Variants in COP1 observed in about 807,000 individuals in gnomAD.
The protein encoded by COP1 is COP1 E3 ubiquitin ligase.
Under a neutral mutation model 101.3 loss-of-function variants are expected in COP1, and 24 were observed. The ratio of observed to expected loss-of-function variants is 0.24; its 90% CI spans 0.17 to 0.33. The LOEUF (loss-of-function observed/expected upper bound fraction) is 0.33, where lower values mean the gene tolerates loss of function less well. Among genes scored for constraint, COP1 ranks in the 10% least tolerant of loss-of-function variants. The probability of loss-of-function intolerance (pLI) is 1.00; values close to 1 mark genes in which losing one functional copy is unlikely to be tolerated. For missense variants in COP1, 663 were observed against 906.2 expected (o/e 0.73, Z 3.45); for synonymous variants, 347 against 341.9 (o/e 1.01, Z -0.17).
intron 11 of COP1, among the ~76,000 whole-genome samples, chr1:176,052,407 G>A (rs755389066): frequency 2.0e-5 from 3 of 152,084 alleles, no homozygotes; most frequent in Non-Finnish European, 4.4e-5. Flanking sequence ...TATTGGGCCT[G>A]GGCTACTGAA....
intron 1 of COP1, among the ~76,000 whole-genome samples, chr1:176,194,723 A>T (rs1428261768): frequency 6.6e-6 from 1 of 152,076 alleles, no homozygotes; most frequent in African/African-American, 2.4e-5. Flanking sequence ...CCCACTTTAA[A>T]TATTAAAACA....
chr1:175,991,144 T>C (rs1658337773), intron 15 of COP1, among the ~76,000 whole-genome samples: 1 of 152,094 alleles, frequency 6.6e-6, no homozygotes, highest in Non-Finnish European at 1.5e-5. Context: ...ACAATGGAGA[T>C]ACATTCTGAG....
intron 15 of COP1, among the ~76,000 whole-genome samples, chr1:176,022,490 AG>A (rs1666921952): frequency 6.6e-6 from 1 of 152,246 alleles, no homozygotes; most frequent in Admixed American, 6.5e-5. Flanking sequence ...TATCGCTCTC[AG>A]TGGTAAACTA....
intron 11 of COP1, among the ~76,000 whole-genome samples, chr1:176,074,396 ATCATCCT>A (rs1677586177): frequency 6.6e-6 from 1 of 152,134 alleles, no homozygotes; most frequent in Admixed American, 6.5e-5. Flanking sequence ...CTTTGGCCAT[ATCATCCT>A]TTCTTGCTAG....
chr1:176,095,186 T>C (rs1185264156), intron 9 of COP1, among the ~76,000 whole-genome samples: 2 of 152,186 alleles, frequency 1.3e-5, no homozygotes, highest in Non-Finnish European at 2.9e-5. Flanking sequence ...ACATACAAAA[T>C]AATAAAACAA....
chr1:176,115,455 A>G (rs1329549593), intron 9 of COP1, among the ~76,000 whole-genome samples: 1 of 150,796 alleles, frequency 6.6e-6, no homozygotes, highest in Non-Finnish European at 1.5e-5. Flanking sequence ...CTCAAAAAGA[A>G]AAATAAAAAA....
intron 3 of COP1, 119 bp downstream of exon 3, chr1:176,175,791 G>C: frequency 1.9e-6 from 1 of 539,076 alleles, no homozygotes; most frequent in Non-Finnish European, 3.3e-6. Flanking sequence ...AAAGCACTGT[G>C]GTATACAGTA....
chr1:175,966,882 T>C (rs1329604684), intron 18 of COP1, among the ~76,000 whole-genome samples: 1 of 152,152 alleles, frequency 6.6e-6, no homozygotes, highest in Non-Finnish European at 1.5e-5. Flanking sequence ...TCAACATACA[T>C]GGCATTGACA....
chr1:176,032,940 T>C lies in COP1; in HGVS notation c.1613-5252A>G, dbSNP rs950794590. ...AAGCTTTAACTTATAGGAAAGGTAA[T>C]TGCCTCTAAAGTTATAAATTATAAT... On this transcript the variant is annotated intron_variant, in intron 14 of 19. Coordinates refer to ENST00000367669, the MANE Select transcript of COP1 (RefSeq NM_022457.7). Among the ~76,000 whole-genome samples the C allele has an allele frequency of 3.9e-5, 6 of 152,178 alleles. No homozygotes were observed. The East Asian group carries it at 9.6e-4, about 24-fold the overall frequency.
intron 15 of COP1, among the ~76,000 whole-genome samples, chr1:176,012,128 G>A (rs900372297): frequency 2.0e-5 from 3 of 152,220 alleles, no homozygotes; most frequent in African/African-American, 4.8e-5. Context: ...AAGCTGCAGT[G>A]TGTTAACACT....
At chr1:176,082,698 C>G (rs566317486) in intron 10 of COP1, among the ~76,000 whole-genome samples, 1 of 151,386 alleles carries the variant, frequency 6.6e-6, no homozygotes, top group African/African-American at 2.4e-5. Flanking sequence ...CCTAGCTACT[C>G]GGGAGGCTAG....
At chr1:176,019,991 A>G (rs1402636958) in intron 15 of COP1, among the ~76,000 whole-genome samples, 1 of 152,178 alleles carries the variant, frequency 6.6e-6, no homozygotes, top group Non-Finnish European at 1.5e-5. Context: ...CTTCCGTGAT[A>G]TTTCTCAAAC....
chr1:176,130,939 T>C lies in COP1; in HGVS notation c.968+4071A>G, dbSNP rs143633426. Among the ~76,000 whole-genome samples the C allele has an allele frequency of 2.6e-3, 399 of 151,904 alleles. 3 individuals carry two copies. Among genetic ancestry groups the C allele is most frequent in the African/African-American group, 9.2e-3 (381 of 41,526 alleles). ...CCTGCTTCCTTTTCCCTGCCCCTAA[T>C]TTTTTAGGGAAATGGCATCTGAAAA... On this transcript the variant is annotated intron_variant, in intron 8 of 19. Transcript: ENST00000367669.
intron 9 of COP1, among the ~76,000 whole-genome samples, chr1:176,107,293 A>G (rs1056026297): frequency 6.6e-6 from 1 of 152,182 alleles, no homozygotes; most frequent in Non-Finnish European, 1.5e-5. Context: ...CAATGAGCAT[A>G]CTTAAGATTT....
intron 9 of COP1, among the ~76,000 whole-genome samples, chr1:176,115,476 C>T (rs908284868): frequency 3.4e-5 from 5 of 147,284 alleles, no homozygotes; most frequent in Non-Finnish European, 4.5e-5. Flanking sequence ...TGGCTGAGCA[C>T]GCTGGCTCAC....
chr1:175,963,016 A>G (rs1651566345), intron 18 of COP1, among the ~76,000 whole-genome samples: 1 of 152,186 alleles, frequency 6.6e-6, no homozygotes, highest in African/African-American at 2.4e-5. Context: ...CTTGAAAAAC[A>G]TGAATGTTAC....
intron 18 of COP1, among the ~76,000 whole-genome samples, chr1:175,981,456 G>A (rs978820999): frequency 6.6e-6 from 1 of 152,106 alleles, no homozygotes; most frequent in Non-Finnish European, 1.5e-5. Context: ...ATGGTGTTGG[G>A]AAAACTGGAT....
intron 1 of COP1, among the ~76,000 whole-genome samples, chr1:176,203,846 G>T (rs1345073388): frequency 6.6e-6 from 1 of 152,096 alleles, no homozygotes; most frequent in Non-Finnish European, 1.5e-5. Context: ...CTGAAATTAG[G>T]TACGTGACTA....
At chr1:176,142,679 C>G (rs896864240) in intron 6 of COP1, among the ~76,000 whole-genome samples, 5 of 151,732 alleles carry the variant, frequency 3.3e-5, no homozygotes, top group Middle Eastern at 3.4e-3. Flanking sequence ...GAAAACACAA[C>G]TTTCTGACTA....
Sources: gnomAD v4.1 joint callset for allele counts (sites outside exome capture counted in the v4.1 genomes callset) on GRCh38, gnomAD v4.1.1 for gene constraint, MANE v1.5 for transcripts, NCBI Gene and HGNC (gene_info 2026-07-23, HGNC 2026-07-21) for gene names.